The following MTCL1 variants were observed in gnomAD, a reference collection of about 807,000 sequenced individuals.
The protein encoded by MTCL1 is microtubule crosslinking factor 1.
MTCL1 carries 79 observed loss-of-function variants against 141.4 expected under a neutral mutation model. That is an observed-to-expected ratio of 0.56 (90% CI 0.47 to 0.67). The LOEUF is 0.67. Ranked by LOEUF, MTCL1 falls within the 30% of genes least tolerant of loss-of-function variation. The pLI is 0.00. For synonymous variants in MTCL1, 914 were observed against 875.8 expected (o/e 1.04, Z -0.77); for missense variants, 2,177 against 2,113.9 (o/e 1.03, Z -0.59).
exon 12 of MTCL1, chr18:8,813,019 C>A: frequency 6.2e-7 from 1 of 1,614,100 alleles, no homozygotes; most frequent in Non-Finnish European, 8.5e-7. Flanking sequence ...GAACTAGGCT[C>A]CTCCGCTGAG....
intron 11 of MTCL1, 76 bp downstream of exon 10, chr18:8,807,136 A>T: frequency 7.0e-7 from 1 of 1,436,096 alleles, no homozygotes; most frequent in East Asian, 2.4e-5. Context: ...GGGAGCGGGC[A>T]CAGAGAGATT....
At chr18:8,803,580 G>A (rs895335100) in intron 10 of MTCL1, among the ~76,000 whole-genome samples, 1 of 152,152 alleles carries the variant, frequency 6.6e-6, no homozygotes, top group Non-Finnish European at 1.5e-5. Context: ...TGTGCTAATG[G>A]CAGGAGCTTG....
rs578259258 is a variant in MTCL1 at position 8,759,065 on chromosome 18, T to C, written c.358-18768T>C. ...TGGAGGAAAACGGGGATGTTGTTAC[T>C]GTTTGCAATTCTGCATTTGCGATCA... On this transcript the variant is annotated intron_variant, in intron 4 of 16. Coordinates refer to ENST00000359865, the Ensembl canonical transcript of MTCL1. 7.2e-5 allele frequency among the ~76,000 whole-genome samples: 11 copies of C among 152,358 alleles called. No individual in the cohort carries two copies. The South Asian group carries it at 2.1e-3, about 29-fold the overall frequency.
At chr18:8,781,003 C>T (rs2096530635) in intron 5 of MTCL1, among the ~76,000 whole-genome samples, 1 of 151,676 alleles carries the variant, frequency 6.6e-6, no homozygotes. Context: ...CTCATCTCTA[C>T]CAAAAATACA....
exon 17 of MTCL1, chr18:8,832,665 T>C (rs1334771339): frequency 6.6e-6 from 1 of 152,200 alleles, no homozygotes; most frequent in African/African-American, 2.4e-5. Context: ...CAAAGTTTTC[T>C]TAAGGGAAAA....
intron 7 of MTCL1, among the ~76,000 whole-genome samples, chr18:8,792,350 C>T (rs1416865948): frequency 6.6e-6 from 1 of 152,088 alleles, no homozygotes; most frequent in South Asian, 2.1e-4. Flanking sequence ...CAGATTCCAC[C>T]ACCTGTCTTT....
intron 4 of MTCL1, among the ~76,000 whole-genome samples, chr18:8,756,553 G>A (rs1598510613): frequency 2.0e-5 from 3 of 151,602 alleles, no homozygotes; most frequent in East Asian, 1.9e-4. Context: ...GTATATATAT[G>A]TATATATATC....
intron 9 of MTCL1, among the ~76,000 whole-genome samples, chr18:8,797,356 C>T (rs984059169): frequency 1.3e-5 from 2 of 152,210 alleles, no homozygotes; most frequent in Non-Finnish European, 2.9e-5. Context: ...TGTTATGCCT[C>T]GATTCCCAGG....
intron 4 of MTCL1, among the ~76,000 whole-genome samples, chr18:8,770,145 G>A (rs1264087703): frequency 6.6e-6 from 1 of 152,212 alleles, no homozygotes; most frequent in Non-Finnish European, 1.5e-5. Flanking sequence ...CTGTGACCTT[G>A]AATGTAGGCT....
chr18:8,729,270 G>A (rs762211876), intron 4 of MTCL1, among the ~76,000 whole-genome samples: 17 of 149,324 alleles, frequency 1.1e-4, no homozygotes, highest in African/African-American at 3.2e-4. Context: ...TGCTCAGTCT[G>A]GTCTCAAACT....
intron 4 of MTCL1, among the ~76,000 whole-genome samples, chr18:8,723,614 A>G (rs1038600223): frequency 5.3e-5 from 8 of 152,256 alleles, no homozygotes; most frequent in South Asian, 4.2e-4. Context: ...CTTAGTGGAC[A>G]TCTCCAGTAT....
chr18:8,768,782 TTCTTC>T (rs1422821178), intron 4 of MTCL1, among the ~76,000 whole-genome samples: 1 of 147,644 alleles, frequency 6.8e-6, no homozygotes, highest in Non-Finnish European at 1.5e-5. Flanking sequence ...ACAGATTCTT[TTCTTC>T]TCTTTTTTTT....
At chr18:8,747,233 G>T (rs553735384) in intron 4 of MTCL1, among the ~76,000 whole-genome samples, 20 of 152,352 alleles carry the variant, frequency 1.3e-4, no homozygotes, top group African/African-American at 4.8e-4. Flanking sequence ...TTCAGAACCT[G>T]AAGCTTATTC....
chr18:8,705,603 C>CCGCCGCCGT, upstream of MTCL1: 4 of 1,206,574 alleles, frequency 3.3e-6, no homozygotes, highest in Non-Finnish European at 4.1e-6. The surrounding 1 kb of genome is among the most constrained non-coding windows in gnomAD (Gnocchi z 5.2). Flanking sequence ...GCCGCCGCCG[C>CCGCCGCCGT]CGCCGCCGTC....
chr18:8,820,562 G>A (rs1055987151), intron 13 of MTCL1, among the ~76,000 whole-genome samples: 1 of 152,208 alleles, frequency 6.6e-6, no homozygotes, highest in Non-Finnish European at 1.5e-5. Context: ...ACCCACATCA[G>A]TAAGGTCAAA....
Position 8,706,732 on chromosome 18 carries a change from G to A in MTCL1, c.1053+19G>A. 2 of 1,543,650 alleles carry A rather than the reference G, an allele frequency of 1.3e-6. No homozygotes were observed. The highest frequency in any genetic ancestry group is 1.7e-6 in the Non-Finnish European group (2 of 1,145,672). On this transcript the variant is annotated intron_variant, in intron 1 of 13. Coordinates refer to the MTCL1 transcript ENST00000306329. Reference sequence around the variant, plus strand: ...TCTCAAGGTGAGCCGCGCCTCGGCCGCAGGTGTCCCGGGGCGCCCCCGGAG... The same window carrying A: ...TCTCAAGGTGAGCCGCGCCTCGGCCACAGGTGTCCCGGGGCGCCCCCGGAG...
chr18:8,807,598 GTGC>G (rs2076343834), intron 11 of MTCL1, among the ~76,000 whole-genome samples: 1 of 152,218 alleles, frequency 6.6e-6, no homozygotes, highest in Non-Finnish European at 1.5e-5. Context: ...GAGCCATGTA[GTGC>G]TAGGGCAGGA....
chr18:8,761,564 T>G (rs1488965729), intron 4 of MTCL1, among the ~76,000 whole-genome samples: 1 of 152,208 alleles, frequency 6.6e-6, no homozygotes, highest in Non-Finnish European at 1.5e-5. Context: ...CTATTCTGGG[T>G]ATCTCATATG....
At chr18:8,831,417 G>T in intron 16 of MTCL1, 190 bp from the exon 15 acceptor site, 2 of 1,416,502 alleles carry the variant, frequency 1.4e-6, no homozygotes, top group East Asian at 2.6e-5. Flanking sequence ...TCATGTCACT[G>T]ATCATTTGTG....
Sources: gnomAD v4.1 joint callset for allele counts (sites outside exome capture counted in the v4.1 genomes callset) on GRCh38, gnomAD v4.1.1 for gene constraint, Gnocchi (gnomAD v3.1) non-coding constraint, MANE v1.5 for transcripts, NCBI Gene and HGNC (gene_info 2026-07-23, HGNC 2026-07-21) for gene names.